Variants in TSC22D4 observed in about 807,000 individuals in gnomAD.
TSC22D4 encodes the protein TSC22 domain family protein 4.
Under a neutral mutation model 24.9 loss-of-function variants are expected in TSC22D4, and 5 were observed. That is an observed-to-expected ratio of 0.20 (90% confidence interval 0.10 to 0.42). The LOEUF (loss-of-function observed/expected upper bound fraction) is 0.42. TSC22D4 is among the 10% of genes least tolerant of loss of function. The pLI is 1.00. For synonymous variants in TSC22D4, 245 were observed against 243.2 expected (o/e 1.01, Z -0.07); for missense variants, 469 against 547.9 (o/e 0.86, Z 1.44).
intron 3 of TSC22D4, chr7:100,467,967 C>T (rs1799318568): frequency 2.0e-6 from 1 of 502,158 alleles, no homozygotes; most frequent in Non-Finnish European, 4.0e-6. Context: ...GGTCCTTAGA[C>T]ACCCCCCCAA....
intron 2 of TSC22D4, among the ~76,000 whole-genome samples, chr7:100,476,262 G>C (rs372962577): frequency 6.7e-6 from 1 of 150,166 alleles, no homozygotes; most frequent in African/African-American, 2.5e-5. Context: ...GGGGCATCAC[G>C]AGAGATGTGA....
Position 100,467,081 on chromosome 7 carries a change from C to T in TSC22D4, c.1066G>A (p.Ala356Thr), listed in dbSNP as rs752736477. 1.9e-6 allele frequency: 3 copies of T among 1,614,102 alleles called. No homozygotes were observed. The highest frequency in any genetic ancestry group is 2.5e-6 in the Non-Finnish European group (3 of 1,180,012). Residue 356 changes from alanine to threonine, a missense_variant, in exon 5 of 5, where the codon GCT becomes ACT. Transcript: ENST00000300181. ...EQIRELAERN[A>T]ALEQENGLLR... is the part of the protein sequence containing the mutation. ...AGCCCATTCTCCTGCTCCAGCGCAG[C>T]GTTCCGCTCCGCCAATTCCCGGATC...
intron 3 of TSC22D4, among the ~76,000 whole-genome samples, chr7:100,470,684 C>T (rs1463329137): frequency 1.3e-5 from 2 of 152,086 alleles, no homozygotes; most frequent in South Asian, 2.1e-4. Flanking sequence ...GACCCCAAAG[C>T]GAGGGGTTGT....
At position 100,467,580 on chromosome 7, in the gene TSC22D4, C is replaced by T; in HGVS notation, c.950G>A (p.Gly317Asp). Residue 317 changes from glycine (G) to aspartate (D), a missense_variant, in exon 4 of 5, where the codon GGC (glycine) becomes GAC (aspartate). Transcript: ENST00000300181. ...GGCTTGCTCGATTTTGTTGTCAATG[C>T]CAACCAGGCTTCCGGAGCCACTGGA... Reference protein sequence around the residue: ...DDDSGSGSLVGIDNKIEQAMD... With the variant: ...DDDSGSGSLVDIDNKIEQAMD... 6.2e-7 allele frequency: 1 copy of T among 1,614,082 alleles called. No individual in the cohort carries two copies. The highest frequency in any genetic ancestry group is 8.5e-7 in the Non-Finnish European group (1 of 1,179,978).
intron 3 of TSC22D4, 23 bp from the exon 4 acceptor site, chr7:100,467,623 G>C (rs772507620): frequency 6.2e-7 from 1 of 1,613,612 alleles, no homozygotes; most frequent in South Asian, 1.1e-5. Context: ...AGGAAGGTGA[G>C]GGGAGGAGAG....
chr7:100,471,335 G>T (rs996872009), intron 3 of TSC22D4, among the ~76,000 whole-genome samples: 1 of 152,188 alleles, frequency 6.6e-6, no homozygotes, highest in Non-Finnish European at 1.5e-5. Context: ...CTTTGCCTGG[G>T]ACACAGGCAT....
chr7:100,474,437 G>A lies in TSC22D4; in HGVS notation c.766C>T (p.Pro256Ser), dbSNP rs771313789. ...LGAPEEMGQV[P>S]PLDSRPSSPA... ...GAGCTGGGGCGAGAGTCAAGTGGGGGCACCTGGAGGCGGAGAGGTAGGAAC... is the reference window on the plus strand; with the variant it reads ...GAGCTGGGGCGAGAGTCAAGTGGGGACACCTGGAGGCGGAGAGGTAGGAAC... Residue 256 changes from proline (P) to serine (S), a missense_variant, in exon 3 of 5, where the codon CCC becomes TCC. Pro to Ser is a moderately conservative substitution (Grantham distance 74, BLOSUM62 -1). Transcript: ENST00000300181. This position sits in a 1 kb window ranked among gnomAD's most constrained non-coding sequence, Gnocchi z 4.3. 4.3e-6 allele frequency: 7 copies of A among 1,613,784 alleles called. 1 individual carries two copies. Among genetic ancestry groups the A allele is most frequent in the Middle Eastern group, 3.3e-4 (2 of 6,082 alleles).
chr7:100,466,759 G>A lies in TSC22D4; in HGVS notation c.*200C>T, dbSNP rs1432411493. On this transcript the variant is annotated 3_prime_UTR_variant, in exon 5 of 5. Coordinates refer to ENST00000300181, the MANE Select transcript of TSC22D4 (RefSeq NM_030935.5). Reference sequence around the variant, plus strand: ...CCTCCCAGAGGGGGCTCCCTCTGACGCCCCGTCCTGAAGCCCTCCCTCCTC... The same window carrying A: ...CCTCCCAGAGGGGGCTCCCTCTGACACCCCGTCCTGAAGCCCTCCCTCCTC... 12 of 618,686 alleles carry A rather than the reference G, an allele frequency of 1.9e-5. No individual in the cohort carries two copies. Among genetic ancestry groups the A allele is most frequent in the Admixed American group, 1.3e-4 (4 of 31,236 alleles). The allele number at this position is 618,686 out of a possible 1,614,324, so 38.3% of individuals were successfully genotyped here. A position where few individuals can be genotyped will look rare whatever the true frequency, so the allele number is the denominator to read the frequency against.
In TSC22D4 at chr7:100,474,953, C is replaced by CA. The variant is rs1382965225; in HGVS notation, c.763-514dup. ...AGTAGCTGGGACTACAGGCATGCAC[C>CA]ATCATAACTGGCTAATTTTTTATTT... On this transcript the variant is annotated intron_variant, in intron 2 of 4. Coordinates refer to ENST00000300181, the MANE Select transcript of TSC22D4 (RefSeq NM_030935.5). The surrounding 1 kb of genome is among the most constrained non-coding windows in gnomAD (Gnocchi z 4.3). Among the ~76,000 whole-genome samples, 1 of 152,058 alleles carries CA rather than the reference C, an allele frequency of 6.6e-6. No homozygotes were observed. Among genetic ancestry groups the CA allele is most frequent in the Non-Finnish European group, 1.5e-5 (1 of 68,004 alleles).
intron 3 of TSC22D4, chr7:100,468,110 C>T: frequency 2.9e-6 from 1 of 350,420 alleles, no homozygotes; most frequent in Middle Eastern, 8.1e-4. Flanking sequence ...ATACACCACC[C>T]CCCCAAGGGC....
chr7:100,469,190 G>A (rs922716771), intron 3 of TSC22D4, among the ~76,000 whole-genome samples: 54 of 147,942 alleles, frequency 3.7e-4, no homozygotes, highest in African/African-American at 1.3e-3. Flanking sequence ...TCGTGCCACT[G>A]AATTCCAGCC....
chr7:100,476,246 T>C (rs1177751697), intron 2 of TSC22D4, among the ~76,000 whole-genome samples: 1 of 38,676 alleles, frequency 2.6e-5, no homozygotes, highest in Non-Finnish European at 5.0e-5. Context: ...GGAGGGGGGG[T>C]AGGAGGGGGC....
intron 3 of TSC22D4, among the ~76,000 whole-genome samples, chr7:100,469,919 A>C (rs1799362295): frequency 6.6e-6 from 1 of 151,278 alleles, no homozygotes. Context: ...TGACAGGTGG[A>C]GCAACTAAGG....
rs926826084 is a variant in TSC22D4, at chr7:100,466,671, C to A, written c.*288G>T. Reference sequence around the variant, plus strand: ...TGGGGGTGGGGTGTCTGCCGGGGAGCCTCCGACTCCCCCAAGCCGTCTACT... The same window carrying A: ...TGGGGGTGGGGTGTCTGCCGGGGAGACTCCGACTCCCCCAAGCCGTCTACT... On this transcript the variant is annotated 3_prime_UTR_variant, in exon 5 of 5. Transcript: ENST00000300181. The A allele has an allele frequency of 2.7e-5, 12 of 452,276 alleles. No homozygotes were observed. In the East Asian group the frequency reaches 3.6e-4, roughly 14 times the overall value. 28.0% of individuals were successfully genotyped at this position (452,276 alleles called of 1,614,324 possible).
At chr7:100,467,210 C>CA in intron 4 of TSC22D4, 42 bp from the exon 5 acceptor site, 1 of 1,591,778 alleles carries the variant, frequency 6.3e-7, no homozygotes, top group Non-Finnish European at 8.6e-7. Flanking sequence ...GGGGTGGGTG[C>CA]CTCATCCCCT....
At position 100,477,879 on chromosome 7, in the gene TSC22D4, C is replaced by A; in HGVS notation, c.160G>T (p.Gly54Cys). The A allele has an allele frequency of 6.3e-7, 1 of 1,580,662 alleles. No individual in the cohort carries two copies. The highest frequency in any genetic ancestry group is 8.6e-7 in the Non-Finnish European group (1 of 1,165,030). The change falls in exon 2 of 5, where the codon GGC becomes TGC. Residue 54 changes from glycine (G) to cysteine (C), a missense_variant. Gly to Cys is a radical substitution (Grantham distance 159). Transcript: ENST00000300181. The surrounding 1 kb of genome is among the most constrained non-coding windows in gnomAD (Gnocchi z 7.8). The stretch of plus-strand genomic sequence containing the variant: ...GAGCCATTCCGGGGGGTGCCCTTGC[C>A]CCCCGGATCGGGGCTGGGCTCCCCA... ...PNGEPSPDPG[G>C]KGTPRNGSPP... is the part of the protein sequence containing the mutation.
intron 2 of TSC22D4, among the ~76,000 whole-genome samples, chr7:100,476,402 C>T (rs1306098802): frequency 6.6e-6 from 1 of 152,030 alleles, no homozygotes; most frequent in African/African-American, 2.4e-5. Context: ...AGTTCGCATC[C>T]TCACACTCCC....
intron 3 of TSC22D4, among the ~76,000 whole-genome samples, chr7:100,470,610 T>C (rs747948048): frequency 2.0e-5 from 3 of 152,112 alleles, no homozygotes; most frequent in African/African-American, 4.8e-5. Flanking sequence ...CAGGCCTCTA[T>C]TGGAACATTC....
rs1287037765 is a variant in TSC22D4 at position 100,466,803 on chromosome 7, TGAG to T, written c.*153_*155del. 1.1e-5 allele frequency: 8 copies of T among 736,490 alleles called. No individual in the cohort carries two copies. In the Admixed American group the frequency reaches 1.8e-4, roughly 16 times the overall value. The allele number at this position is 736,490 out of a possible 1,614,324, so 45.6% of individuals were successfully genotyped here. A position where few individuals can be genotyped will look rare whatever the true frequency, so the allele number is the denominator to read the frequency against. ...CCTCCTCCATCAAGGCTGGGGATGA[TGAG>T]GAGATGGGGCAGGGGCCGGGGGACC... On this transcript the variant is annotated 3_prime_UTR_variant, in exon 5 of 5. Coordinates refer to ENST00000300181, the MANE Select transcript of TSC22D4 (RefSeq NM_030935.5).
Sources: gnomAD v4.1 joint callset for allele counts (sites outside exome capture counted in the v4.1 genomes callset) on GRCh38, gnomAD v4.1.1 for gene constraint, Gnocchi (gnomAD v3.1) non-coding constraint, MANE v1.5 for transcripts, NCBI Gene and HGNC (gene_info 2026-07-23, HGNC 2026-07-21) for gene names.